Variants in FAN1 observed in about 807,000 individuals in gnomAD.
FAN1 encodes the protein fanconi-associated nuclease 1.
A neutral mutation model predicts 104.9 loss-of-function variants in FAN1; 91 were observed. The ratio of observed to expected loss-of-function variants is 0.87; its 90% CI spans 0.73 to 1.03. The LOEUF is 1.03. Ranked by LOEUF, FAN1 falls within the 50% of genes least tolerant of loss-of-function variation. FAN1 has a pLI of 0.00. For synonymous variants in FAN1, 478 were observed against 457.6 expected, an observed-to-expected ratio of 1.04 and a Z score of -0.57; for missense variants, 1,263 against 1,239.9, an observed-to-expected ratio of 1.02 and a Z score of -0.28.
Position 30,910,708 on chromosome 15 carries a change from T to C in FAN1, c.1470T>C (p.Asn490=), listed in dbSNP as rs1257806759. The C allele has an allele frequency of 2.5e-6, 4 of 1,614,084 alleles. No homozygotes were observed. The highest frequency in any genetic ancestry group is 3.4e-6 in the Non-Finnish European group (4 of 1,180,004). Reference sequence around the variant, plus strand: ...AGACCTTCCACTTGGTGAATCCCAATGGACAGAAACAGCAGCTGGTGGACG... The same window carrying C: ...AGACCTTCCACTTGGTGAATCCCAACGGACAGAAACAGCAGCTGGTGGACG... ...LAKTFHLVNP[N]GQKQQLVDAF... Residue 490 remains asparagine, a synonymous_variant, in exon 4 of 15, where the codon AAT becomes AAC. Transcript: ENST00000362065.
intron 13 of FAN1, among the ~76,000 whole-genome samples, chr15:30,934,040 A>G (rs777346211): frequency 3.3e-5 from 5 of 151,990 alleles, no homozygotes; most frequent in Non-Finnish European, 5.9e-5. Flanking sequence ...TGCCCAGCCA[A>G]TTTGTGTATT....
intron 5 of FAN1, among the ~76,000 whole-genome samples, chr15:30,914,894 A>ATAAAAGTAGATTTTGAAC (rs1266850710): frequency 5.9e-5 from 9 of 152,374 alleles, no homozygotes; most frequent in Admixed American, 3.9e-4. Context: ...GGTTTGTCCA[A>ATAAAAGTAGATTTTGAAC]TAAAAGTAGA....
intron 14 of FAN1, chr15:30,940,783 A>T: frequency 1.0e-6 from 1 of 986,932 alleles, no homozygotes; most frequent in Non-Finnish European, 1.2e-6. Context: ...AAGTGAAATT[A>T]TATTTTCTTC....
intron 14 of FAN1, chr15:30,940,412 T>A: frequency 1.0e-6 from 1 of 985,422 alleles, no homozygotes; most frequent in Non-Finnish European, 1.2e-6. Context: ...AATCCATTTT[T>A]TTATTTCTCC....
chr15:30,942,244 C>T lies in FAN1; in HGVS notation c.*682C>T, dbSNP rs2063079056. On this transcript the variant is annotated 3_prime_UTR_variant, in exon 15 of 15. Transcript: ENST00000362065. ...TTCTAATCCTCCTCCCCTGGAATTA[C>T]ACTTTTTTATGTGTTGACTCTACCT... 2.4e-6 allele frequency: 2 copies of T among 838,426 alleles called. No individual in the cohort carries two copies. Among genetic ancestry groups the T allele is most frequent in the African/African-American group, 1.7e-5 (1 of 58,802 alleles). The allele number at this position is 838,426 out of a possible 1,614,324, so 51.9% of individuals were successfully genotyped here.
Position 30,905,270 on chromosome 15 carries a change from G to A in FAN1, c.607G>A (p.Asp203Asn). ...IDNSSEIEDE[D>N]QILENSSQKE... is the part of the protein sequence containing the mutation. The stretch of plus-strand genomic sequence containing the variant: ...TAACTCTTCAGAAATTGAGGACGAG[G>A]ATCAAATTTTGGAGAACAGTTCTCA... The change falls in exon 2 of 15, where the codon GAT becomes AAT. Residue 203 changes from aspartate (D) to asparagine (N), a missense_variant. Asp to Asn is a conservative substitution (Grantham distance 23). This residue lies in a region of FAN1 where 682 missense variants were observed against 571.1 expected (regional missense o/e 1.19). Transcript: ENST00000362065. The A allele has an allele frequency of 6.2e-7, 1 of 1,614,044 alleles. No individual in the cohort carries two copies. The highest frequency in any genetic ancestry group is 8.5e-7 in the Non-Finnish European group (1 of 1,180,024).
intron 13 of FAN1, among the ~76,000 whole-genome samples, chr15:30,932,221 CAAAAA>C (rs766829435): frequency 8.1e-5 from 4 of 49,506 alleles, no homozygotes; most frequent in African/African-American, 1.9e-4. Flanking sequence ...GACTCCATCT[CAAAAA>C]AAAAAAAAAA....
chr15:30,935,027 G>A (rs2062814222), intron 13 of FAN1, among the ~76,000 whole-genome samples: 1 of 151,882 alleles, frequency 6.6e-6, no homozygotes, highest in African/African-American at 2.4e-5. Context: ...TCTCCTGCTT[G>A]AAGAATTTCC....
At chr15:30,909,215 C>T (rs560719555) in intron 3 of FAN1, among the ~76,000 whole-genome samples, 3 of 152,074 alleles carry the variant, frequency 2.0e-5, no homozygotes, top group African/African-American at 4.8e-5. Context: ...CCAAAATAAG[C>T]GAATCAGCCA....
In FAN1 at chr15:30,938,936, CAACA is replaced by C. The variant is rs961737983; in HGVS notation, c.*3+1682_*3+1685del. On this transcript the variant is annotated intron_variant, in intron 14 of 14. Coordinates refer to ENST00000362065, the MANE Select transcript of FAN1 (RefSeq NM_014967.5). Reference sequence around the variant, plus strand: ...CCAGTAGATGATTTCATACTGACAACAACAAACAGTCGCTGTGGAATTTTATTAA... The same window carrying C: ...CCAGTAGATGATTTCATACTGACAACAACAGTCGCTGTGGAATTTTATTAA... The C allele has an allele frequency of 8.1e-6, 8 of 985,254 alleles. No individual in the cohort carries two copies. In the African/African-American group the frequency reaches 8.7e-5, roughly 11 times the overall value. 61.0% of individuals were successfully genotyped at this position (985,254 alleles called of 1,614,324 possible).
At chr15:30,906,463 A>C (rs1400781819) in intron 2 of FAN1, 2 of 456,726 alleles carry the variant, frequency 4.4e-6, no homozygotes, top group Admixed American at 4.7e-5. Context: ...TCTATGCCTG[A>C]AGTCCTTGGC....
chr15:30,905,374 G>A lies in FAN1; in HGVS notation c.711G>A (p.Met237Ile), dbSNP rs547265978. ...PEHMVRGSKI[M>I]EAESQKATRE... ...ATATGGTAAGAGGAAGTAAAATAAT[G>A]GAAGCCGAAAGCCAAAAGGCTACCC... Residue 237 changes from methionine to isoleucine, a missense_variant, in exon 2 of 15, where the codon ATG becomes ATA. Met to Ile is a conservative substitution (Grantham distance 10). Coordinates refer to ENST00000362065, the MANE Select transcript of FAN1 (RefSeq NM_014967.5). 11 of 1,614,042 alleles carry A rather than the reference G, an allele frequency of 6.8e-6. 1 individual carries two copies. In the African/African-American group the frequency reaches 9.3e-5, roughly 14 times the overall value.
rs771896426 is a variant in FAN1, at chr15:30,908,181, A to G, written c.1298A>G (p.Lys433Arg). ...AAATTAAGCTGGATTAAGATGACCA[A>G]ATTAGAGTATGAAGAGATTGCCTTA... ...QRKLSWIKMT[K>R]LEYEEIALDL... Residue 433 changes from lysine (K) to arginine (R), a missense_variant, in exon 3 of 15, where the codon AAA becomes AGA. By Grantham distance (26) the Lys-to-Arg change is conservative (BLOSUM62 2). Coordinates refer to ENST00000362065, the MANE Select transcript of FAN1 (RefSeq NM_014967.5). 6.2e-7 allele frequency: 1 copy of G among 1,611,476 alleles called. No individual in the cohort carries two copies. The highest frequency in any genetic ancestry group is 8.5e-7 in the Non-Finnish European group (1 of 1,178,918).
rs779771818 is a variant in FAN1 at position 30,910,607 on chromosome 15, A to G, written c.1376-7A>G. On this transcript the variant is annotated splice_polypyrimidine_tract_variant and splice_region_variant and intron_variant, in intron 3 of 14. Coordinates refer to ENST00000362065, the MANE Select transcript of FAN1 (RefSeq NM_014967.5). The stretch of plus-strand genomic sequence containing the variant: ...TTTAAAAAAACTTTTTTTTTTAACC[A>G]TTTCAGAATCTGAGTTGCAAGAACT... 7 of 1,502,330 alleles carry G rather than the reference A, an allele frequency of 4.7e-6. No individual in the cohort carries two copies. The allele number at this position is 1,502,330 out of a possible 1,614,324, so 93.1% of individuals were successfully genotyped here. A position where few individuals can be genotyped will look rare whatever the true frequency, so the allele number is the denominator to read the frequency against.
chr15:30,909,575 C>T (rs1187530131), intron 3 of FAN1, among the ~76,000 whole-genome samples: 1 of 152,230 alleles, frequency 6.6e-6, no homozygotes, highest in East Asian at 1.9e-4. Context: ...AAATGAGCAA[C>T]AAAACCAGGA....
rs147206293 is a variant in FAN1, at chr15:30,925,922, G to A, written c.2471G>A (p.Arg824His). ...GAGCTGGCACTGGCCCATTACAGAC[G>A]CAGCGGTTTTGACCAGGGTAACTGA... ...VEELALAHYR[R>H]SGFDQGIHGE... is the part of the protein sequence containing the mutation. The change falls in exon 10 of 15, where the codon CGC becomes CAC. Residue 824 changes from arginine to histidine, a missense_variant. Physicochemically the swap from Arg to His is conservative, Grantham distance 29. Transcript: ENST00000362065. The A allele has an allele frequency of 1.2e-5, 20 of 1,614,062 alleles. No homozygotes were observed. The highest frequency in any genetic ancestry group is 2.2e-5 in the South Asian group (2 of 91,092).
chr15:30,927,599 T>C, intron 10 of FAN1: 2 of 985,426 alleles, frequency 2.0e-6, no homozygotes, highest in Non-Finnish European at 2.4e-6. Context: ...CGCAGATGGG[T>C]TGGGGCCTGT....
Position 30,939,511 on chromosome 15 carries a change from T to C in FAN1, c.*4-2055T>C, listed in dbSNP as rs1037633809. 3 of 982,108 alleles carry C rather than the reference T, an allele frequency of 3.1e-6. No homozygotes were observed. The South Asian group carries it at 1.4e-4, about 46-fold the overall frequency. The allele number at this position is 982,108 out of a possible 1,614,324, so 60.8% of individuals were successfully genotyped here. ...ACAATAAACTGTAGCACAATAATCA[T>C]GATATAACAACTGTCCAGCAAAAAT... On this transcript the variant is annotated intron_variant, in intron 14 of 14. Coordinates refer to ENST00000362065, the MANE Select transcript of FAN1 (RefSeq NM_014967.5).
intron 8 of FAN1, among the ~76,000 whole-genome samples, chr15:30,924,609 C>T (rs1379608373): frequency 6.6e-6 from 1 of 152,122 alleles, no homozygotes; most frequent in Non-Finnish European, 1.5e-5. Flanking sequence ...CTTGTAATTC[C>T]TCCAAACCTT....
Sources: allele counts gnomAD v4.1 joint callset (sites outside exome capture counted in the v4.1 genomes callset), GRCh38; gene constraint gnomAD v4.1.1; regional missense constraint gnomAD v4.1.1; transcripts MANE v1.5; gene names NCBI Gene and HGNC (gene_info 2026-07-23, HGNC 2026-07-21).